Variants in RBM27 observed in about 807,000 individuals in gnomAD.
RBM27 encodes RNA binding motif protein 27.
A neutral mutation model predicts 135.3 loss-of-function variants in RBM27; 22 were observed. The ratio of observed to expected loss-of-function variants is 0.16; its 90% CI spans 0.12 to 0.23. The LOEUF (loss-of-function observed/expected upper bound fraction) is 0.23. Among genes scored for constraint, RBM27 ranks in the 10% least tolerant of loss-of-function variants. The pLI, the probability that RBM27 is intolerant of heterozygous loss-of-function variation, is 1.00. For missense variants in RBM27, 1,009 were observed against 1,281.0 expected (o/e 0.79, Z 3.24); for synonymous variants, 481 against 442.4 (o/e 1.09, Z -1.10).
chr5:146,276,524 C>T lies in RBM27; in HGVS notation c.2988+4850C>T, dbSNP rs144494426. Among the ~76,000 whole-genome samples the T allele has an allele frequency of 5.6e-3, 857 of 152,274 alleles. 9 individuals carry two copies. The highest frequency in any genetic ancestry group is 0.02 in the African/African-American group (825 of 41,552). On this transcript the variant is annotated intron_variant, in intron 19 of 20. Coordinates refer to ENST00000265271, the MANE Select transcript of RBM27 (RefSeq NM_018989.2). Reference sequence around the variant, plus strand: ...CCTCTGCTGTAATTACCAAAGACTTCGCACATAGTTAGCTTTTCCCCACAG... The same window carrying T: ...CCTCTGCTGTAATTACCAAAGACTTTGCACATAGTTAGCTTTTCCCCACAG...
At chr5:146,277,120 A>AT (rs1406092978) in intron 19 of RBM27, among the ~76,000 whole-genome samples, 2 of 152,160 alleles carry the variant, frequency 1.3e-5, no homozygotes, top group Non-Finnish European at 2.9e-5. Flanking sequence ...AACTGCTGTA[A>AT]TTTTTTCTCT....
chr5:146,266,517 ATAAT>A (rs1758625766), intron 14 of RBM27, among the ~76,000 whole-genome samples: 2 of 152,238 alleles, frequency 1.3e-5, no homozygotes, highest in African/African-American at 4.8e-5. Flanking sequence ...AATTTTGATG[ATAAT>A]TAAGTGTTGT....
intron 15 of RBM27, among the ~76,000 whole-genome samples, chr5:146,268,663 G>A (rs1758729639): frequency 6.6e-6 from 1 of 152,102 alleles, no homozygotes; most frequent in South Asian, 2.1e-4. Context: ...GCCCAGTGCA[G>A]CCTTGATGTC....
At chr5:146,215,378 G>T (rs558967857) in intron 1 of RBM27, among the ~76,000 whole-genome samples, 4 of 152,134 alleles carry the variant, frequency 2.6e-5, no homozygotes, top group Non-Finnish European at 5.9e-5. Context: ...ACCCATTTCA[G>T]TTATCCAATA....
intron 7 of RBM27, among the ~76,000 whole-genome samples, chr5:146,235,077 A>T (rs12518889): frequency 2.1e-4 from 21 of 101,210 alleles, no homozygotes; most frequent in Admixed American, 5.5e-4. Context: ...AATAAATAAA[A>T]GATGGCAAAT....
rs529021162 is a variant in RBM27 at position 146,240,164 on chromosome 5, A to T, written c.1279+2732A>T. Among the ~76,000 whole-genome samples the T allele has an allele frequency of 3.5e-3, 538 of 152,104 alleles. 2 individuals are homozygous for T. The highest frequency in any genetic ancestry group is 0.013 in the African/African-American group (523 of 41,480). ...TGCATCTTCTCTGGTAATGCCAATT[A>T]TACCCTTTCTGTGCCCCCGTCATGG... On this transcript the variant is annotated intron_variant, in intron 8 of 20. Coordinates refer to ENST00000265271, the MANE Select transcript of RBM27 (RefSeq NM_018989.2).
intron 2 of RBM27, among the ~76,000 whole-genome samples, chr5:146,220,244 G>A (rs574552719): frequency 0.014 from 2,206 of 152,238 alleles, 21 homozygotes; most frequent in Non-Finnish European, 0.023. Context: ...TTGGGAGGCC[G>A]AAGCGGGTGG....
chr5:146,260,705 AG>A, intron 11 of RBM27, 39 bp from the exon 12 acceptor site: 1 of 1,521,318 alleles, frequency 6.6e-7, no homozygotes, highest in Non-Finnish European at 8.9e-7. Context: ...CTAGGCATGA[AG>A]TAGGAGAATT....
chr5:146,243,245 A>G (rs1461801761), intron 8 of RBM27, among the ~76,000 whole-genome samples: 1 of 152,180 alleles, frequency 6.6e-6, no homozygotes, highest in African/African-American at 2.4e-5. Flanking sequence ...TAGCCTGGGC[A>G]ACAAGAGCGA....
At chr5:146,230,972 GTTGCATATA>G (rs1317981457) in intron 6 of RBM27, 55 bp downstream of exon 6, 3 of 1,556,714 alleles carry the variant, frequency 1.9e-6, no homozygotes, top group Non-Finnish European at 2.6e-6. Context: ...CAGAGCAAAT[GTTGCATATA>G]TTGCATATCT....
chr5:146,222,422 G>A (rs1379738646), intron 2 of RBM27, among the ~76,000 whole-genome samples: 1 of 152,210 alleles, frequency 6.6e-6, no homozygotes, highest in East Asian at 1.9e-4. Flanking sequence ...GGTGGCTCAT[G>A]CCTGTAATCC....
Position 146,233,565 on chromosome 5 carries a change from G to C in RBM27, c.966G>C (p.Gly322=), listed in dbSNP as rs1002158173. 1.9e-6 allele frequency: 3 copies of C among 1,612,876 alleles called. No homozygotes were observed. Among genetic ancestry groups the C allele is most frequent in the Non-Finnish European group, 2.5e-6 (3 of 1,179,594 alleles). ...SMIPFPPPPP[G]LPPPPPPGML... ...TTCCTTTCCCACCCCCTCCTCCTGG[G>C]CTTCCTCCTCCACCACCTCCTGGAA... Residue 322 remains glycine (G), a synonymous_variant, in exon 7 of 21, where the codon GGG becomes GGC. Transcript: ENST00000265271.
chr5:146,257,329 C>T (rs1758146950), intron 10 of RBM27, among the ~76,000 whole-genome samples: 1 of 152,196 alleles, frequency 6.6e-6, no homozygotes, highest in South Asian at 2.1e-4. Context: ...CGTCTTCCTA[C>T]CCACAGGTTA....
At chr5:146,256,781 C>T (rs1758124441) in intron 10 of RBM27, among the ~76,000 whole-genome samples, 2 of 152,088 alleles carry the variant, frequency 1.3e-5, no homozygotes, top group Admixed American at 6.5e-5. Context: ...AACTAGAATT[C>T]AGAGGAGAAG....
chr5:146,216,898 C>T (rs1756217606), intron 1 of RBM27, among the ~76,000 whole-genome samples: 1 of 152,138 alleles, frequency 6.6e-6, no homozygotes, highest in African/African-American at 2.4e-5. Flanking sequence ...GCTTAAGCAG[C>T]CAGCCTTGGC....
chr5:146,227,426 G>T (rs1333936851), intron 3 of RBM27, among the ~76,000 whole-genome samples: 1 of 152,148 alleles, frequency 6.6e-6, no homozygotes, highest in Non-Finnish European at 1.5e-5. Flanking sequence ...TGATTTTGCT[G>T]CCATATGGTT....
chr5:146,238,965 A>G (rs1170213562), intron 8 of RBM27, among the ~76,000 whole-genome samples: 2 of 152,184 alleles, frequency 1.3e-5, no homozygotes, highest in Admixed American at 1.3e-4. Context: ...AGCATCTAAA[A>G]AAGTGCCTAG....
chr5:146,236,728 ATTC>A (rs951825832), intron 7 of RBM27, among the ~76,000 whole-genome samples: 4 of 151,702 alleles, frequency 2.6e-5, no homozygotes, highest in Non-Finnish European at 5.9e-5. Context: ...TGTTCAAGTG[ATTC>A]TTCTGCCTCA....
chr5:146,227,711 C>T (rs998143796), intron 3 of RBM27, among the ~76,000 whole-genome samples: 1 of 152,052 alleles, frequency 6.6e-6, no homozygotes, highest in East Asian at 1.9e-4. Context: ...TGCACTCCAA[C>T]GTGGGCGACA....
Sources: allele counts gnomAD v4.1 joint callset (sites outside exome capture counted in the v4.1 genomes callset), GRCh38; gene constraint gnomAD v4.1.1; transcripts MANE v1.5; gene names NCBI Gene and HGNC (gene_info 2026-07-23, HGNC 2026-07-21).